FGGY: variants seen among roughly 807,000 people sequenced by gnomAD.
FGGY encodes the protein FGGY carbohydrate kinase domain-containing protein.
FGGY carries 72 observed loss-of-function variants against 71.3 expected under a neutral mutation model. The observed-to-expected ratio is 1.01, with a 90% CI of 0.84 to 1.23. FGGY has a LOEUF of 1.23. Ranked by LOEUF, FGGY falls within the 50% of genes most tolerant of loss-of-function variation. The pLI, the probability that FGGY is intolerant of heterozygous loss-of-function variation, is 0.00. For synonymous variants in FGGY, 251 were observed against 250.3 expected, an observed-to-expected ratio of 1.00 and a Z score of -0.02; for missense variants, 668 against 682.3, an observed-to-expected ratio of 0.98 and a Z score of 0.23.
In FGGY at chr1:59,354,146, T is replaced by C. The variant is rs545890585; in HGVS notation, c.465+7748T>C. ...AGGTTGGAGTACAGTAGCACAGTCT[T>C]GGCTCATTGGAACCTTTGCCTCCCA... is the stretch of plus-strand genomic sequence containing the variant. On this transcript the variant is annotated intron_variant, in intron 4 of 15. Coordinates refer to ENST00000303721, the MANE Select transcript of FGGY (RefSeq NM_018291.5). Among the ~76,000 whole-genome samples the C allele has an allele frequency of 2.6e-5, 4 of 152,280 alleles. No individual in the cohort carries two copies. The South Asian group carries it at 6.2e-4, about 24-fold the overall frequency.
At chr1:59,375,694 C>CA (rs2058547277) in intron 4 of FGGY, among the ~76,000 whole-genome samples, 1 of 152,046 alleles carries the variant, frequency 6.6e-6, no homozygotes, top group Non-Finnish European at 1.5e-5. Context: ...AGTGTGGTCT[C>CA]AAAAAGAAAG....
intron 6 of FGGY, among the ~76,000 whole-genome samples, chr1:59,495,858 T>C (rs945986665): frequency 1.3e-5 from 2 of 152,234 alleles, no homozygotes; most frequent in East Asian, 3.9e-4. Context: ...GTTATTGTAC[T>C]AGTGTCATAC....
intron 14 of FGGY, among the ~76,000 whole-genome samples, chr1:59,754,387 T>C (rs1447152670): frequency 1.3e-5 from 2 of 152,164 alleles, no homozygotes; most frequent in Non-Finnish European, 2.9e-5. Flanking sequence ...TTCCTTTTTT[T>C]TTTGTTGTTT....
At chr1:59,488,864 A>C (rs1361880941) in intron 6 of FGGY, among the ~76,000 whole-genome samples, 1 of 152,024 alleles carries the variant, frequency 6.6e-6, no homozygotes, top group Non-Finnish European at 1.5e-5. Flanking sequence ...CTCTTGGTGT[A>C]TATTGTCAAG....
chr1:59,553,181 G>A (rs1376656679), intron 7 of FGGY, among the ~76,000 whole-genome samples: 1 of 152,170 alleles, frequency 6.6e-6, no homozygotes, highest in African/African-American at 2.4e-5. Flanking sequence ...GGGAGCTGAT[G>A]AGGTCAGCAG....
chr1:59,691,893 A>G (rs903816504), intron 14 of FGGY, among the ~76,000 whole-genome samples: 1 of 152,152 alleles, frequency 6.6e-6, no homozygotes, highest in East Asian at 1.9e-4. Flanking sequence ...CAGACCCCTT[A>G]TGTAAATGCC....
At chr1:59,671,254 T>A (rs2097374496) in intron 13 of FGGY, among the ~76,000 whole-genome samples, 1 of 152,168 alleles carries the variant, frequency 6.6e-6, no homozygotes, top group African/African-American at 2.4e-5. Flanking sequence ...AGGGAACAGA[T>A]ACACACTCCA....
At chr1:59,333,425 T>A (rs554944988) in intron 2 of FGGY, among the ~76,000 whole-genome samples, 9 of 152,354 alleles carry the variant, frequency 5.9e-5, no homozygotes, top group Admixed American at 4.6e-4. Context: ...TCATCACACC[T>A]TATTTTGCTG....
At chr1:59,362,881 A>G (rs1455918085) in intron 4 of FGGY, among the ~76,000 whole-genome samples, 3 of 152,206 alleles carry the variant, frequency 2.0e-5, no homozygotes, top group South Asian at 2.1e-4. Flanking sequence ...TTCATCTTCT[A>G]TGAGCATACC....
chr1:59,484,150 T>A (rs778657062), intron 6 of FGGY, among the ~76,000 whole-genome samples: 1 of 152,146 alleles, frequency 6.6e-6, no homozygotes, highest in Non-Finnish European at 1.5e-5. Flanking sequence ...AGTCTCATGG[T>A]TATTTGATGG....
intron 7 of FGGY, among the ~76,000 whole-genome samples, chr1:59,526,926 A>G (rs752760902): frequency 8.5e-5 from 13 of 152,180 alleles, no homozygotes; most frequent in Non-Finnish European, 1.8e-4. Flanking sequence ...GGGTTATTTT[A>G]GAGATGCCTT....
chr1:59,646,450 C>G (rs1318527456), intron 11 of FGGY, among the ~76,000 whole-genome samples: 2 of 150,694 alleles, frequency 1.3e-5, no homozygotes, highest in Non-Finnish European at 3.0e-5. Flanking sequence ...CCAAATTGGT[C>G]ACAAATTTTA....
rs757100956 is a variant in FGGY at position 59,554,170 on chromosome 1, G to T, written c.846G>T (p.Gly282=). The T allele has an allele frequency of 1.2e-6, 2 of 1,613,502 alleles. No homozygotes were observed. The highest frequency in any genetic ancestry group is 1.7e-6 in the Non-Finnish European group (2 of 1,179,530). The stretch of plus-strand genomic sequence containing the variant: ...GAGGGCACGGCCTCATCTGTGAGGG[G>T]CAGCCAGTGACGTCACGGCTGGCTG... ...DVRGHGLICE[G]QPVTSRLAVI... is the part of the protein sequence containing the mutation. The change falls in exon 8 of 16, where the codon GGG becomes GGT. Residue 282 remains glycine (G), a synonymous_variant. Transcript: ENST00000303721.
chr1:59,603,125 C>A (rs1484839400), intron 8 of FGGY, among the ~76,000 whole-genome samples: 5 of 152,166 alleles, frequency 3.3e-5, no homozygotes, highest in African/African-American at 1.2e-4. Flanking sequence ...ATTCCCACCA[C>A]CAAACCTGTG....
intron 7 of FGGY, among the ~76,000 whole-genome samples, chr1:59,553,194 C>T (rs1362312376): frequency 6.6e-6 from 1 of 152,140 alleles, no homozygotes; most frequent in East Asian, 1.9e-4. Context: ...GTCAGCAGGA[C>T]CTGTTCTCTC....
At chr1:59,600,444 C>T (rs2096566010) in intron 8 of FGGY, among the ~76,000 whole-genome samples, 1 of 152,092 alleles carries the variant, frequency 6.6e-6, no homozygotes, top group Non-Finnish European at 1.5e-5. Flanking sequence ...TGTCATTGCA[C>T]ACATAGGACT....
At chr1:59,657,492 G>A (rs1262611035) in intron 11 of FGGY, among the ~76,000 whole-genome samples, 3 of 152,264 alleles carry the variant, frequency 2.0e-5, no homozygotes, top group South Asian at 2.1e-4. Flanking sequence ...TTCATGACTA[G>A]TGATCATTGC....
At chr1:59,656,119 T>C (rs575844908) in intron 11 of FGGY, among the ~76,000 whole-genome samples, 1 of 152,356 alleles carries the variant, frequency 6.6e-6, no homozygotes, top group South Asian at 2.1e-4. Context: ...TTCTCTTCAT[T>C]ACACAATATC....
At chr1:59,686,940 G>T (rs1021075954) in intron 14 of FGGY, among the ~76,000 whole-genome samples, 1 of 152,166 alleles carries the variant, frequency 6.6e-6, no homozygotes, top group African/African-American at 2.4e-5. Flanking sequence ...CTCAATGAGA[G>T]GTATACAAAA....
Sources: gnomAD v4.1 joint callset for allele counts (sites outside exome capture counted in the v4.1 genomes callset) on GRCh38, gnomAD v4.1.1 for gene constraint, MANE v1.5 for transcripts, NCBI Gene and HGNC (gene_info 2026-07-23, HGNC 2026-07-21) for gene names.